The following APPBP2 variants were observed in gnomAD, a reference collection of about 807,000 sequenced individuals.
APPBP2 encodes the protein amyloid beta precursor protein binding protein 2.
A neutral mutation model predicts 76.0 loss-of-function variants in APPBP2; 15 were observed. The ratio of observed to expected loss-of-function variants is 0.20; its 90% CI spans 0.13 to 0.30. APPBP2 has a LOEUF of 0.30. APPBP2 is among the 10% of genes least tolerant of loss of function. APPBP2 has a pLI of 1.00. For synonymous variants in APPBP2, 222 were observed against 242.2 expected (o/e 0.92, Z 0.77); for missense variants, 401 against 687.2 (o/e 0.58, Z 4.66).
chr17:60,457,518 C>G (rs2090440321), intron 9 of APPBP2, among the ~76,000 whole-genome samples: 1 of 152,180 alleles, frequency 6.6e-6, no homozygotes, highest in Non-Finnish European at 1.5e-5. Context: ...CCTCAAACTC[C>G]TGGGCTCGGG....
chr17:60,485,995 G>A lies in APPBP2; in HGVS notation c.380-6724C>T, dbSNP rs186699102. On this transcript the variant is annotated intron_variant, in intron 3 of 12. Transcript: ENST00000083182. ...CAGGAGCAGGCTGTTCAGTTTCCAC[G>A]TAGTTGTGTGGTTTTGAGCGACTTT... Among the ~76,000 whole-genome samples, 384 of 152,286 alleles carry A rather than the reference G, an allele frequency of 2.5e-3. 2 individuals carry two copies. Among genetic ancestry groups the A allele is most frequent in the African/African-American group, 9.0e-3 (373 of 41,560 alleles).
intron 9 of APPBP2, 43 bp from the exon 10 acceptor site, chr17:60,456,424 C>A (rs368128344): frequency 1.6e-6 from 2 of 1,266,186 alleles, no homozygotes; most frequent in Non-Finnish European, 2.3e-6. Context: ...TTTTTAGTTA[C>A]AAATGATTTA....
intron 3 of APPBP2, among the ~76,000 whole-genome samples, chr17:60,480,528 CAT>C (rs1351675265): frequency 2.2e-4 from 33 of 152,082 alleles, no homozygotes; most frequent in African/African-American, 7.3e-4. Flanking sequence ...TGCTTAGACT[CAT>C]GTTTTATATT....
At chr17:60,484,924 G>T (rs2090661131) in intron 3 of APPBP2, among the ~76,000 whole-genome samples, 1 of 151,220 alleles carries the variant, frequency 6.6e-6, no homozygotes, top group Non-Finnish European at 1.5e-5. Flanking sequence ...ATTGAGAGTT[G>T]AATTTTGTCA....
intron 12 of APPBP2, among the ~76,000 whole-genome samples, chr17:60,448,757 T>C (rs1355875320): frequency 6.6e-6 from 1 of 152,076 alleles, no homozygotes; most frequent in Admixed American, 6.6e-5. Context: ...AATAAGAAAA[T>C]ATTTATCTGT....
intron 1 of APPBP2, among the ~76,000 whole-genome samples, chr17:60,509,516 T>C (rs1161752915): frequency 6.6e-6 from 1 of 152,128 alleles, no homozygotes; most frequent in Non-Finnish European, 1.5e-5. Flanking sequence ...TAGATGAAAT[T>C]ACCTGGCCAG....
chr17:60,487,898 G>C lies in APPBP2; in HGVS notation c.379+6568C>G, dbSNP rs569031550. The stretch of plus-strand genomic sequence containing the variant: ...GGGTTTTGGTGTGGATGTCCTTTTA[G>C]TTTATGTCGATGCTATTCCTTTCTG... On this transcript the variant is annotated intron_variant, in intron 3 of 12. Transcript: ENST00000083182. Among the ~76,000 whole-genome samples the C allele has an allele frequency of 3.9e-5, 6 of 152,306 alleles. No homozygotes were observed. The East Asian group carries it at 1.2e-3, about 29-fold the overall frequency.
rs1375841555 is a variant in APPBP2 at position 60,461,828 on chromosome 17, C to T, written c.918G>A (p.Gln306=). The change falls in exon 8 of 13, where the codon CAG becomes CAA. Residue 306 remains glutamine (Q), a synonymous_variant. Transcript: ENST00000083182. ...AACATACCTGATAAATTGCAACAGA[C>T]TGACAGATATTATCTACATTGAGTA... ...FYLLNVDNIC[Q]SVAIYQAALD... The T allele has an allele frequency of 1.2e-6, 2 of 1,607,586 alleles. No homozygotes were observed. Among genetic ancestry groups the T allele is most frequent in the Non-Finnish European group, 1.7e-6 (2 of 1,177,332 alleles).
rs1345199492 is a variant in APPBP2, at chr17:60,525,658, A to G, written c.138+136T>C. ...GGGTGCTTCTCCACTGGCAATGCAG[A>G]CACCGCACCAGACGTTTCGGGAGGC... On this transcript the variant is annotated intron_variant, in intron 1 of 12. Coordinates refer to ENST00000083182, the MANE Select transcript of APPBP2 (RefSeq NM_006380.5). 2.2e-6 allele frequency: 3 copies of G among 1,354,282 alleles called. No individual in the cohort carries two copies. The African/African-American group carries it at 4.4e-5, about 20-fold the overall frequency. The allele number at this position is 1,354,282 out of a possible 1,614,324, so 83.9% of individuals were successfully genotyped here. A position where few individuals can be genotyped will look rare whatever the true frequency, so the allele number is the denominator to read the frequency against.
chr17:60,485,165 CTCT>C (rs769009246), intron 3 of APPBP2, among the ~76,000 whole-genome samples: 2 of 151,998 alleles, frequency 1.3e-5, no homozygotes, highest in Non-Finnish European at 2.9e-5. Flanking sequence ...GTCTAAAATT[CTCT>C]TTTTTTGTTG....
chr17:60,518,527 T>TGTGTGTGTGTGTGTGA (rs1228556905), intron 1 of APPBP2, among the ~76,000 whole-genome samples: 1 of 151,166 alleles, frequency 6.6e-6, no homozygotes, highest in African/African-American at 2.5e-5. Context: ...TGTGTGTGTG[T>TGTGTGTGTGTGTGTGA]GAAAGAGAGA....
intron 2 of APPBP2, among the ~76,000 whole-genome samples, chr17:60,497,633 T>C (rs184680962): frequency 1.4e-4 from 21 of 152,248 alleles, no homozygotes; most frequent in African/African-American, 4.8e-4. Context: ...AATATGTATG[T>C]ACTATGTACC....
chr17:60,454,118 C>T (rs1238244180), intron 11 of APPBP2, among the ~76,000 whole-genome samples, 184 bp downstream of exon 11: 1 of 152,136 alleles, frequency 6.6e-6, no homozygotes, highest in East Asian at 1.9e-4. Flanking sequence ...CCATTTCAGC[C>T]TCCCAGAGTG....
At position 60,523,437 on chromosome 17, in the gene APPBP2, C is replaced by T. The variant is rs557154454; in HGVS notation, c.138+2357G>A. On this transcript the variant is annotated intron_variant, in intron 1 of 12. Coordinates refer to ENST00000083182, the MANE Select transcript of APPBP2 (RefSeq NM_006380.5). ...GCTTAAGCCCAGGGGTTCAAGGTTGCGGTGAGCTATGATCACAACTGCACT... is the reference window on the plus strand; with the variant it reads ...GCTTAAGCCCAGGGGTTCAAGGTTGTGGTGAGCTATGATCACAACTGCACT... 5.3e-5 allele frequency among the ~76,000 whole-genome samples: 8 copies of T among 152,104 alleles called. No individual in the cohort carries two copies. The East Asian group carries it at 7.7e-4, about 15-fold the overall frequency.
At chr17:60,481,202 C>G (rs999439554) in intron 3 of APPBP2, among the ~76,000 whole-genome samples, 1 of 152,194 alleles carries the variant, frequency 6.6e-6, no homozygotes, top group African/African-American at 2.4e-5. Context: ...GTTCCCCAAG[C>G]CATAGGTATG....
At chr17:60,518,768 T>G (rs2090985223) in intron 1 of APPBP2, among the ~76,000 whole-genome samples, 1 of 151,832 alleles carries the variant, frequency 6.6e-6, no homozygotes, top group Non-Finnish European at 1.5e-5. Flanking sequence ...CCTCCCAAAG[T>G]TCTCAGATTA....
intron 12 of APPBP2, among the ~76,000 whole-genome samples, chr17:60,448,904 T>C (rs1598344145): frequency 6.6e-6 from 1 of 152,344 alleles, no homozygotes; most frequent in Middle Eastern, 3.4e-3. Context: ...TGTATAGTTC[T>C]AATTACAGTA....
intron 2 of APPBP2, among the ~76,000 whole-genome samples, chr17:60,495,470 ATTT>A (rs1189851843): frequency 2.0e-5 from 3 of 147,652 alleles, no homozygotes; most frequent in Admixed American, 6.8e-5. Flanking sequence ...TTATTTATTT[ATTT>A]ATTTATTTAT....
intron 1 of APPBP2, among the ~76,000 whole-genome samples, chr17:60,519,568 C>T (rs974527409): frequency 9.2e-5 from 14 of 151,758 alleles, no homozygotes; most frequent in African/African-American, 3.4e-4. Flanking sequence ...GACGATGAGG[C>T]AGGAGGATCA....
Sources: allele counts gnomAD v4.1 joint callset (sites outside exome capture counted in the v4.1 genomes callset), GRCh38; gene constraint gnomAD v4.1.1; transcripts MANE v1.5; gene names NCBI Gene and HGNC (gene_info 2026-07-23, HGNC 2026-07-21).